TSNARE1: variants seen among roughly 807,000 people sequenced by gnomAD.
TSNARE1 encodes the protein t-SNARE domain-containing protein 1.
TSNARE1 carries 49 observed loss-of-function variants against 62.0 expected under a neutral mutation model. The observed-to-expected ratio is 0.79, with a 90% CI of 0.63 to 1.00. The LOEUF is 1.00. Among genes scored for constraint, TSNARE1 ranks in the 50% least tolerant of loss-of-function variants. The pLI is 0.00. For synonymous variants in TSNARE1, 328 were observed against 294.4 expected (o/e 1.11, Z -1.17); for missense variants, 755 against 700.1 (o/e 1.08, Z -0.88).
intron 13 of TSNARE1, among the ~76,000 whole-genome samples, chr8:142,227,537 C>T (rs1816900229): frequency 6.6e-6 from 1 of 152,248 alleles, no homozygotes; most frequent in African/African-American, 2.4e-5. Flanking sequence ...CTGCCCACAA[C>T]CCCAACACCA....
intron 12 of TSNARE1, among the ~76,000 whole-genome samples, chr8:142,252,747 G>A (rs1640310036): frequency 6.6e-6 from 1 of 152,230 alleles, no homozygotes; most frequent in African/African-American, 2.4e-5. Context: ...CCATTCTTGT[G>A]TGCAACAGTT....
Position 142,352,569 on chromosome 8 carries a change from G to C in TSNARE1, c.88+2068C>G, listed in dbSNP as rs114757557. Among the ~76,000 whole-genome samples the C allele has an allele frequency of 6.0e-3, 918 of 152,374 alleles. 10 individuals carry two copies. Among genetic ancestry groups the C allele is most frequent in the African/African-American group, 0.021 (861 of 41,590 alleles). On this transcript the variant is annotated intron_variant, in intron 2 of 13. Coordinates refer to ENST00000524325, the MANE Select transcript of TSNARE1 (RefSeq NM_145003.5). ...GATGCGGAACACGCACAGACGCCGC[G>C]GTGTGCTCACAGAACCCAACGTGAT... is the stretch of plus-strand genomic sequence containing the variant.
intron 13 of TSNARE1, among the ~76,000 whole-genome samples, chr8:142,222,783 C>T (rs866787309): frequency 8.6e-6 from 1 of 116,696 alleles, no homozygotes; most frequent in Non-Finnish European, 2.0e-5. Context: ...CATCCACTCA[C>T]TCACTCACTC....
At chr8:142,336,735 G>A (rs1385477023) in intron 4 of TSNARE1, among the ~76,000 whole-genome samples, 1 of 152,184 alleles carries the variant, frequency 6.6e-6, no homozygotes, top group Non-Finnish European at 1.5e-5. Flanking sequence ...CCAAACGCAC[G>A]TGGAACATTC....
At chr8:142,327,823 G>T (rs1344319332) in intron 6 of TSNARE1, among the ~76,000 whole-genome samples, 1 of 152,196 alleles carries the variant, frequency 6.6e-6, no homozygotes, top group African/African-American at 2.4e-5. Flanking sequence ...CAAGTCCCGG[G>T]CCAGGAAGGA....
At chr8:142,397,435 C>G (rs1384258073) in intron 1 of TSNARE1, among the ~76,000 whole-genome samples, 1 of 152,198 alleles carries the variant, frequency 6.6e-6, no homozygotes, top group Non-Finnish European at 1.5e-5. Context: ...GCTGCAGGAT[C>G]AGACTAATGA....
At position 142,284,484 on chromosome 8, in the gene TSNARE1, C is replaced by T. The variant is rs1822342884; in HGVS notation, c.1292G>A (p.Ser431Asn). 1 of 1,613,504 alleles carries T rather than the reference C, an allele frequency of 6.2e-7. No individual in the cohort carries two copies. Among genetic ancestry groups the T allele is most frequent in the Middle Eastern group, 1.7e-4 (1 of 6,060 alleles). Residue 431 changes from serine (S) to asparagine (N), a missense_variant and splice_region_variant, in exon 11 of 14, where the codon AGC becomes AAC. Physicochemically the swap from Ser to Asn is conservative, Grantham distance 46. Transcript: ENST00000524325. The part of the protein sequence containing the change: ...LREEAILQME[S>N]NLLDVNQIIK... ...GATCTGATTCACATCCAGCAAGTTG[C>T]TCTGTGGAAACAACATAGAACCACA...
In TSNARE1 at chr8:142,344,231, C is replaced by T. The variant is rs376744930; in HGVS notation, c.480G>A (p.Arg160=). 1 of 1,613,060 alleles carries T rather than the reference C, an allele frequency of 6.2e-7. No individual in the cohort carries two copies. Among genetic ancestry groups the T allele is most frequent in the Non-Finnish European group, 8.5e-7 (1 of 1,179,504 alleles). ...TGLLKAEPTR[R]YRVWSRILQA... ...GCAGGATGCGGCTCCACACGCGGTA[C>T]CTGCGAGTGGGCTCGGCCTTCAGCA... Residue 160 remains arginine, a synonymous_variant, in exon 4 of 14, where the codon AGG becomes AGA. Transcript: ENST00000524325.
At chr8:142,323,050 G>T (rs79570685) in intron 6 of TSNARE1, among the ~76,000 whole-genome samples, 1 of 151,946 alleles carries the variant, frequency 6.6e-6, no homozygotes, top group East Asian at 1.9e-4. Flanking sequence ...ATGTCTGTGG[G>T]CTGGATGACA....
At chr8:142,361,525 CA>C (rs1238968744) in intron 1 of TSNARE1, among the ~76,000 whole-genome samples, 1 of 152,198 alleles carries the variant, frequency 6.6e-6, no homozygotes, top group Non-Finnish European at 1.5e-5. Flanking sequence ...GACGAGGGGC[CA>C]GGGCACGGGC....
At chr8:142,333,193 C>T (rs1210995024) in intron 4 of TSNARE1, among the ~76,000 whole-genome samples, 2 of 152,156 alleles carry the variant, frequency 1.3e-5, no homozygotes, top group East Asian at 1.9e-4. Context: ...GGATGGCACA[C>T]TTAGGAGCTG....
intron 13 of TSNARE1, among the ~76,000 whole-genome samples, chr8:142,220,535 T>C (rs1816162825): frequency 6.6e-6 from 1 of 152,096 alleles, no homozygotes; most frequent in Non-Finnish European, 1.5e-5. Flanking sequence ...CCGGGTGGCC[T>C]CCAGGTTAGG....
At chr8:142,313,304 ATC>A (rs1827923876) in intron 9 of TSNARE1, among the ~76,000 whole-genome samples, 2 of 141,278 alleles carry the variant, frequency 1.4e-5, no homozygotes, top group African/African-American at 5.4e-5. Flanking sequence ...GTCTGTGTTT[ATC>A]TGTGTCTGCA....
rs1039383245 is a variant in TSNARE1 at position 142,319,311 on chromosome 8, C to A, written c.894-677G>T. The stretch of plus-strand genomic sequence containing the variant: ...CAGGGAGGCCAGCAGTCCCCACCCC[C>A]CTGCACACCTCTGAGGGGTGCACAC... On this transcript the variant is annotated intron_variant, in intron 6 of 13. Transcript: ENST00000524325. The surrounding 1 kb of genome is among the most constrained non-coding windows in gnomAD (Gnocchi z 4.9). 6.6e-6 allele frequency among the ~76,000 whole-genome samples: 1 copy of A among 152,016 alleles called. No homozygotes were observed. Among genetic ancestry groups the A allele is most frequent in the Non-Finnish European group, 1.5e-5 (1 of 67,960 alleles).
chr8:142,276,948 G>A (rs1010216914), intron 11 of TSNARE1: 1 of 985,336 alleles, frequency 1.0e-6, no homozygotes, highest in East Asian at 1.1e-4. Flanking sequence ...GCCATGTCCT[G>A]CCCCGGCGCA....
intron 12 of TSNARE1, chr8:142,272,655 T>TCGCAAG: frequency 1.0e-6 from 1 of 983,694 alleles, no homozygotes; most frequent in Non-Finnish European, 1.2e-6. Flanking sequence ...TAGAGGCCCC[T>TCGCAAG]CGCAAGCGGG....
intron 13 of TSNARE1, among the ~76,000 whole-genome samples, chr8:142,228,312 T>C (rs540092393): frequency 3.3e-5 from 5 of 152,342 alleles, no homozygotes; most frequent in East Asian, 1.9e-4. Context: ...CTGCTTAACA[T>C]GTTTCAGAGG....
In TSNARE1 at chr8:142,268,715, G is replaced by A. The variant is rs188060204; in HGVS notation, c.1446+6066C>T. On this transcript the variant is annotated intron_variant, in intron 12 of 13. Transcript: ENST00000524325. ...AGATGCAGGCAGAGATCTCCTTCAA[G>A]GGAGGGTGTGTGACCTTCCTCCATT... Among the ~76,000 whole-genome samples, 214 of 152,248 alleles carry A rather than the reference G, an allele frequency of 1.4e-3. 1 individual carries two copies. The highest frequency in any genetic ancestry group is 5.9e-4 in the Non-Finnish European group (40 of 68,012).
chr8:142,238,107 C>T (rs1301809812), intron 12 of TSNARE1, among the ~76,000 whole-genome samples: 1 of 152,064 alleles, frequency 6.6e-6, no homozygotes, highest in African/African-American at 2.4e-5. Context: ...GACTGCGTTA[C>T]CCGCCCCCCC....
Sources: gnomAD v4.1 joint callset for allele counts (sites outside exome capture counted in the v4.1 genomes callset) on GRCh38, gnomAD v4.1.1 for gene constraint, Gnocchi (gnomAD v3.1) non-coding constraint, MANE v1.5 for transcripts, NCBI Gene and HGNC (gene_info 2026-07-23, HGNC 2026-07-21) for gene names.